Variants in TCAIM observed in about 807,000 individuals in gnomAD.
TCAIM encodes T-cell activation inhibitor, mitochondrial.
TCAIM carries 36 observed loss-of-function variants against 58.6 expected under a neutral mutation model. The ratio of observed to expected loss-of-function variants is 0.61; its 90% CI spans 0.47 to 0.81. The LOEUF (loss-of-function observed/expected upper bound fraction) is 0.81, where lower values mean the gene tolerates loss of function less well. TCAIM is among the 30% of genes least tolerant of loss of function. TCAIM has a pLI of 0.00. For synonymous variants in TCAIM, 172 were observed against 193.6 expected (o/e 0.89, Z 0.93); for missense variants, 466 against 579.6 (o/e 0.80, Z 2.01).
Position 44,396,790 on chromosome 3 carries a change from C to T in TCAIM, c.841C>T (p.His281Tyr). 1 of 1,614,068 alleles carries T rather than the reference C, an allele frequency of 6.2e-7. No individual in the cohort carries two copies. The highest frequency in any genetic ancestry group is 8.5e-7 in the Non-Finnish European group (1 of 1,180,006). The change falls in exon 8 of 11, where the codon CAT becomes TAT. Residue 281 changes from histidine to tyrosine, a missense_variant. Transcript: ENST00000342649. ...TDRSGMSAVG[H>Y]VMLGTMDVHH... is the part of the protein sequence containing the mutation. ...CCGTTCTGGCATGAGTGCAGTGGGC[C>T]ATGTGATGCTAGGAACAATGGATGT...
intron 6 of TCAIM, among the ~76,000 whole-genome samples, chr3:44,393,907 A>G (rs1701881283): frequency 6.6e-6 from 1 of 152,250 alleles, no homozygotes; most frequent in African/African-American, 2.4e-5. Flanking sequence ...TTGCAGTTAT[A>G]TAAAGATCCA....
chr3:44,397,822 CTTAT>C (rs1449426652), intron 8 of TCAIM, among the ~76,000 whole-genome samples: 1 of 152,150 alleles, frequency 6.6e-6, no homozygotes, highest in Non-Finnish European at 1.5e-5. Context: ...TTTTCATGTG[CTTAT>C]TTGTCATCCA....
At chr3:44,367,396 A>G (rs1435327822) in intron 4 of TCAIM, 60 bp from the exon 5 acceptor site, 1 of 1,506,544 alleles carries the variant, frequency 6.6e-7, no homozygotes, top group Non-Finnish European at 8.9e-7. Flanking sequence ...GATTTTATAT[A>G]TGTTGAAATA....
intron 3 of TCAIM, 24 bp downstream of exon 3, chr3:44,357,900 C>T: frequency 6.2e-7 from 1 of 1,609,506 alleles, no homozygotes; most frequent in Non-Finnish European, 8.5e-7. Context: ...TATTTTTAAA[C>T]CATTAGTGTA....
In TCAIM at chr3:44,392,966, C is replaced by CTCATA. The variant is rs780476876; in HGVS notation, c.687_688insTATCA (p.Asp230TyrfsTer22). The CTCATA allele has an allele frequency of 6.2e-7, 1 of 1,610,502 alleles. No individual in the cohort carries two copies. The highest frequency in any genetic ancestry group is 2.2e-5 in the East Asian group (1 of 44,724). On this transcript the variant is annotated frameshift_variant, in exon 6 of 11. Transcript: ENST00000342649. LOFTEE classifies it high-confidence loss of function. ...ATGAACTGTCTCATCAATTGCAACT[C>CTCATA]TCAGATATCAGGTAAGAAAGAAGAG...
At chr3:44,346,730 G>A (rs1379704473) in intron 1 of TCAIM, among the ~76,000 whole-genome samples, 1 of 152,180 alleles carries the variant, frequency 6.6e-6, no homozygotes, top group East Asian at 1.9e-4. Context: ...AGCAGCAGCA[G>A]CTGCCGCGTG....
At chr3:44,386,507 A>C (rs1241562876) in intron 5 of TCAIM, among the ~76,000 whole-genome samples, 2 of 152,154 alleles carry the variant, frequency 1.3e-5, no homozygotes, top group East Asian at 3.9e-4. Context: ...AGCTGCAGCT[A>C]CCCAGCCACC....
chr3:44,373,745 A>G (rs971014569), intron 5 of TCAIM, among the ~76,000 whole-genome samples: 6 of 152,218 alleles, frequency 3.9e-5, no homozygotes, highest in Non-Finnish European at 8.8e-5. Flanking sequence ...TCTAAAAAAA[A>G]TTAGGAAATG....
intron 3 of TCAIM, chr3:44,358,238 C>T: frequency 6.6e-7 from 1 of 1,513,508 alleles, no homozygotes; most frequent in Non-Finnish European, 9.1e-7. Context: ...GAAGAGTTTT[C>T]AATGCCCTAG....
At chr3:44,363,119 CT>C (rs759321518) in intron 4 of TCAIM, 12 of 152,140 alleles carry the variant, frequency 7.9e-5, no homozygotes, top group Non-Finnish European at 1.8e-4. Flanking sequence ...CCACTCTCAG[CT>C]GGATTTGTCT....
chr3:44,362,930 A>T (rs1055751764), intron 4 of TCAIM: 1 of 152,298 alleles, frequency 6.6e-6, no homozygotes, highest in African/African-American at 2.4e-5. Flanking sequence ...AACATCTTAC[A>T]TATATGTAGT....
intron 3 of TCAIM, 138 bp downstream of exon 3, chr3:44,358,014 T>C: frequency 7.3e-7 from 1 of 1,369,330 alleles, no homozygotes; most frequent in Non-Finnish European, 9.6e-7. Flanking sequence ...TAATTTGAAA[T>C]GTAGATACTG....
chr3:44,342,330 A>C (rs1559556161), intron 1 of TCAIM, among the ~76,000 whole-genome samples: 2 of 152,168 alleles, frequency 1.3e-5, no homozygotes, highest in African/African-American at 4.8e-5. Flanking sequence ...CATTCCTGGA[A>C]ATCCTGACAT....
intron 6 of TCAIM, 119 bp downstream of exon 6, chr3:44,393,096 A>T (rs909768107): frequency 1.3e-6 from 1 of 798,090 alleles, no homozygotes; most frequent in Non-Finnish European, 2.0e-6. Context: ...AGTACTCTTC[A>T]ATTATCTTTA....
chr3:44,402,035 A>C (rs991711810), intron 10 of TCAIM, among the ~76,000 whole-genome samples: 1 of 152,196 alleles, frequency 6.6e-6, no homozygotes, highest in Non-Finnish European at 1.5e-5. Flanking sequence ...AAAGAAAAAA[A>C]ATAAACGTTT....
intron 8 of TCAIM, among the ~76,000 whole-genome samples, chr3:44,398,384 T>G (rs1701969890): frequency 6.6e-6 from 1 of 152,016 alleles, no homozygotes; most frequent in South Asian, 2.1e-4. Flanking sequence ...GAGCCGAGAT[T>G]GCGCCACTGC....
intron 5 of TCAIM, among the ~76,000 whole-genome samples, chr3:44,385,725 A>G (rs1353329121): frequency 1.3e-5 from 2 of 152,126 alleles, no homozygotes; most frequent in Admixed American, 1.3e-4. Context: ...CCTGGGCAAC[A>G]GAGTGAGACT....
chr3:44,372,941 T>C (rs1701504460), intron 5 of TCAIM, among the ~76,000 whole-genome samples: 1 of 152,226 alleles, frequency 6.6e-6, no homozygotes, highest in Non-Finnish European at 1.5e-5. Context: ...AAGATGGTTT[T>C]AATGTTTCTG....
At chr3:44,394,705 C>T (rs1701894416) in intron 6 of TCAIM, among the ~76,000 whole-genome samples, 1 of 150,408 alleles carries the variant, frequency 6.6e-6, no homozygotes, top group African/African-American at 2.4e-5. Context: ...ACCAGCCTGA[C>T]CAACATGGTG....
Sources: gnomAD v4.1 joint callset for allele counts (sites outside exome capture counted in the v4.1 genomes callset) on GRCh38, gnomAD v4.1.1 for gene constraint, MANE v1.5 for transcripts, NCBI Gene and HGNC (gene_info 2026-07-23, HGNC 2026-07-21) for gene names.